Variants in PKHD1 observed in about 807,000 individuals in gnomAD.
PKHD1 encodes fibrocystin.
A neutral mutation model predicts 412.0 loss-of-function variants in PKHD1; 291 were observed. The observed-to-expected ratio is 0.71, with a 90% CI of 0.64 to 0.78. PKHD1 has a LOEUF of 0.78. PKHD1 is among the 30% of genes least tolerant of loss of function. The pLI is 0.00. For missense variants in PKHD1, 4,825 were observed against 4,950.7 expected, an observed-to-expected ratio of 0.97 and a Z score of 0.76; for synonymous variants, 1,777 against 1,821.5, an observed-to-expected ratio of 0.98 and a Z score of 0.62.
intron 60 of PKHD1, among the ~76,000 whole-genome samples, chr6:51,668,937 A>G (rs1468140640): frequency 1.3e-5 from 2 of 152,130 alleles, no homozygotes; most frequent in African/African-American, 2.4e-5. Flanking sequence ...GTGCTGCTGG[A>G]TTCGTTTTGC....
chr6:52,084,226 C>A (rs1371489932), intron 2 of PKHD1, among the ~76,000 whole-genome samples: 3 of 152,250 alleles, frequency 2.0e-5, no homozygotes, highest in Non-Finnish European at 4.4e-5. Flanking sequence ...TAGCCCAGGA[C>A]TTCCCTGTAC....
intron 41 of PKHD1, 54 bp downstream of exon 41, chr6:51,906,160 GA>G: frequency 6.6e-7 from 1 of 1,515,328 alleles, no homozygotes; most frequent in Non-Finnish European, 9.1e-7. Context: ...AATTCATTGT[GA>G]AAAACTGTGT....
intron 35 of PKHD1, among the ~76,000 whole-genome samples, chr6:51,990,522 G>A (rs1031488696): frequency 1.3e-5 from 2 of 152,308 alleles, no homozygotes; most frequent in Admixed American, 6.5e-5. Flanking sequence ...GGGCAAGGGA[G>A]ATAATTATGG....
intron 32 of PKHD1, 55 bp downstream of exon 32, chr6:52,024,515 AAAGG>A: frequency 6.7e-7 from 1 of 1,500,136 alleles, no homozygotes; most frequent in Non-Finnish European, 9.3e-7. Context: ...TCCAGAAGTG[AAAGG>A]AGCTACCAAT....
intron 35 of PKHD1, among the ~76,000 whole-genome samples, chr6:51,977,403 C>T (rs1794601632): frequency 6.6e-6 from 1 of 152,240 alleles, no homozygotes; most frequent in Non-Finnish European, 1.5e-5. Flanking sequence ...TCTGCTATTT[C>T]ATGTCCCATG....
At chr6:51,686,893 G>C (rs567728896) in intron 60 of PKHD1, among the ~76,000 whole-genome samples, 1 of 152,238 alleles carries the variant, frequency 6.6e-6, no homozygotes, top group African/African-American at 2.4e-5. Flanking sequence ...AAATCTACAA[G>C]GACAACTTTC....
intron 11 of PKHD1, 75 bp downstream of exon 11, chr6:52,069,382 C>A (rs1810244251): frequency 9.3e-7 from 1 of 1,077,958 alleles, no homozygotes; most frequent in East Asian, 2.4e-5. Context: ...CAAGAAATGG[C>A]CAAAAGATAG....
At chr6:51,631,782 T>C (rs1767944176) in intron 65 of PKHD1, among the ~76,000 whole-genome samples, 1 of 151,980 alleles carries the variant, frequency 6.6e-6, no homozygotes, top group Non-Finnish European at 1.5e-5. Flanking sequence ...TCTCCAGCTT[T>C]AAAAAATTAA....
chr6:52,085,006 A>G lies in PKHD1; in HGVS notation c.-73T>C. 1 of 1,005,138 alleles carries G rather than the reference A, an allele frequency of 9.9e-7. No individual in the cohort carries two copies. The highest frequency in any genetic ancestry group is 1.6e-6 in the Non-Finnish European group (1 of 624,788). The allele number at this position is 1,005,138 out of a possible 1,614,324, so 62.3% of individuals were successfully genotyped here. On this transcript the variant is annotated 5_prime_UTR_variant, in exon 2 of 67. An upstream start codon of the reference 5' UTR is lost. Transcript: ENST00000371117. ...CATTTTCAGTTTTGATTGGAGCAGC[A>G]TAGCTTTTGTGCTTTATAAAAACAA... is the stretch of plus-strand genomic sequence containing the variant.
At chr6:51,812,815 A>G (rs1033473818) in intron 52 of PKHD1, among the ~76,000 whole-genome samples, 2 of 152,144 alleles carry the variant, frequency 1.3e-5, no homozygotes, top group Non-Finnish European at 2.9e-5. Context: ...GCCATCTATT[A>G]CCTCTAAGGG....
At chr6:51,857,843 A>G (rs1773533740) in intron 48 of PKHD1, among the ~76,000 whole-genome samples, 1 of 152,200 alleles carries the variant, frequency 6.6e-6, no homozygotes, top group African/African-American at 2.4e-5. Context: ...TATTTGTTTC[A>G]TCCATGAACT....
At chr6:51,811,942 T>A (rs1764743374) in intron 52 of PKHD1, among the ~76,000 whole-genome samples, 1 of 152,178 alleles carries the variant, frequency 6.6e-6, no homozygotes, top group South Asian at 2.1e-4. Context: ...TGTTTAAAAT[T>A]TTTTAAAGAA....
chr6:52,073,913 C>A (rs1479822425), intron 6 of PKHD1, among the ~76,000 whole-genome samples: 1 of 152,146 alleles, frequency 6.6e-6, no homozygotes, highest in Non-Finnish European at 1.5e-5. Context: ...ATCTACCCAA[C>A]ACGAGATTTA....
At chr6:51,693,938 G>A (rs1242288259) in intron 60 of PKHD1, among the ~76,000 whole-genome samples, 1 of 152,116 alleles carries the variant, frequency 6.6e-6, no homozygotes, top group African/African-American at 2.4e-5. Context: ...CTTGCAGAAA[G>A]TGAACCCAGG....
At chr6:51,815,641 A>T (rs930752943) in intron 52 of PKHD1, among the ~76,000 whole-genome samples, 2 of 152,154 alleles carry the variant, frequency 1.3e-5, no homozygotes, top group Non-Finnish European at 2.9e-5. Flanking sequence ...CCAGATCACA[A>T]AGGGCTCTGC....
chr6:51,710,533 C>T (rs1321930695), intron 60 of PKHD1, among the ~76,000 whole-genome samples: 1 of 151,972 alleles, frequency 6.6e-6, no homozygotes, highest in Non-Finnish European at 1.5e-5. Context: ...CTTAGCTATC[C>T]AATGGAAGAT....
In PKHD1 at chr6:51,739,085, T is replaced by A. The variant is rs185793357; in HGVS notation, c.10156+5300A>T. ...ACGTATTTTATATATTTTTTATATA[T>A]TTTAATATGTATTTTATATATATTT... On this transcript the variant is annotated intron_variant, in intron 60 of 66. Coordinates refer to ENST00000371117, the MANE Select transcript of PKHD1 (RefSeq NM_138694.4). Among the ~76,000 whole-genome samples, 421 of 147,810 alleles carry A rather than the reference T, an allele frequency of 2.8e-3. 1 individual carries two copies. Among genetic ancestry groups the A allele is most frequent in the African/African-American group, 9.7e-3 (398 of 40,830 alleles).
In PKHD1 at chr6:51,847,857, A is replaced by T. The variant is rs1205494685; in HGVS notation, c.8025T>A (p.Ser2675=). ...GACCTGGTGATGGAAGAAATGGAAA[A>T]GACAGACCCACTCGACTCCCACATC... ...LLRCGSRVGL[S]FPFLPSPGQN... Residue 2675 remains serine (S), a synonymous_variant, in exon 50 of 67, where the codon TCT becomes TCA. Coordinates refer to ENST00000371117, the MANE Select transcript of PKHD1 (RefSeq NM_138694.4). 7 of 1,614,032 alleles carry T rather than the reference A, an allele frequency of 4.3e-6. No homozygotes were observed. Among genetic ancestry groups the T allele is most frequent in the African/African-American group, 1.3e-5 (1 of 75,038 alleles).
chr6:51,945,069 G>A (rs565597491), intron 36 of PKHD1, among the ~76,000 whole-genome samples: 1 of 152,128 alleles, frequency 6.6e-6, no homozygotes, highest in Non-Finnish European at 1.5e-5. Context: ...ACATAGAAAT[G>A]CAGTAATAAT....
Sources: allele counts gnomAD v4.1 joint callset (sites outside exome capture counted in the v4.1 genomes callset), GRCh38; gene constraint gnomAD v4.1.1; transcripts MANE v1.5; gene names NCBI Gene and HGNC (gene_info 2026-07-23, HGNC 2026-07-21).